MROH9: variants seen among roughly 807,000 people sequenced by gnomAD.
The protein encoded by MROH9 is maestro heat-like repeat-containing protein family member 9.
Under a neutral mutation model 98.2 loss-of-function variants are expected in MROH9, and 92 were observed. That is an observed-to-expected ratio of 0.94 (90% CI 0.79 to 1.11). The LOEUF is 1.11. Among genes scored for constraint, MROH9 ranks in the 50% most tolerant of loss-of-function variants. The pLI is 0.00. For synonymous variants in MROH9, 397 were observed against 368.9 expected, an observed-to-expected ratio of 1.08 and a Z score of -0.87; for missense variants, 1,057 against 1,014.8, an observed-to-expected ratio of 1.04 and a Z score of -0.57.
intron 20 of MROH9, among the ~76,000 whole-genome samples, chr1:171,060,379 T>C (rs927253504): frequency 2.0e-5 from 3 of 152,206 alleles, no homozygotes; most frequent in Non-Finnish European, 2.9e-5. Context: ...ATAGATTCAA[T>C]GTATTCCCAA....
At chr1:171,053,866 A>G (rs913446388) in intron 20 of MROH9, among the ~76,000 whole-genome samples, 3 of 152,174 alleles carry the variant, frequency 2.0e-5, no homozygotes, top group Admixed American at 2.0e-4. Context: ...ATAATATCAG[A>G]CATGGCTAAA....
At position 171,024,508 on chromosome 1, in the gene MROH9, A is replaced by T. The variant is rs1277376250; in HGVS notation, c.2022A>T (p.Leu674=). The change falls in exon 18 of 22, where the codon CTA becomes CTT. Residue 674 remains leucine (L), a synonymous_variant. Transcript: ENST00000367759. The part of the protein sequence containing the change: ...NDVVLEGLVP[L]ILFLEDDDKR... Reference sequence around the variant, plus strand: ...TGGTTCTAGAAGGCTTGGTGCCCCTAATCCTATTTTTGGAGGATGATGATA... The same window carrying T: ...TGGTTCTAGAAGGCTTGGTGCCCCTTATCCTATTTTTGGAGGATGATGATA... The T allele has an allele frequency of 6.5e-7, 1 of 1,540,224 alleles. No homozygotes were observed.
intron 20 of MROH9, among the ~76,000 whole-genome samples, chr1:171,055,530 G>A (rs1653808588): frequency 1.3e-5 from 2 of 149,938 alleles, no homozygotes; most frequent in African/African-American, 4.9e-5. Flanking sequence ...GGCTGAGGCA[G>A]TAGAATCGCT....
At chr1:171,006,967 A>AT (rs1651974750) in intron 15 of MROH9, among the ~76,000 whole-genome samples, 1 of 149,802 alleles carries the variant, frequency 6.7e-6, no homozygotes, top group Non-Finnish European at 1.5e-5. Flanking sequence ...GTAGATCTCC[A>AT]TTTTTTGTGG....
At chr1:170,945,643 A>T in intron 2 of MROH9, 62 bp downstream of exon 2, 2 of 1,420,964 alleles carry the variant, frequency 1.4e-6, no homozygotes, top group Middle Eastern at 1.8e-4. Context: ...TGTGTGTATG[A>T]GTGACAGATG....
rs1654039864 is a variant in MROH9, at chr1:171,062,299, G to A, written c.2344+105G>A. On this transcript the variant is annotated intron_variant, in intron 21 of 21. Transcript: ENST00000367759. ...TTCTGTTAGAGTGCCAGGCCAGACA[G>A]GAAGAGGGTGGTGGTAGTAGTAGTT... 5.5e-6 allele frequency: 4 copies of A among 724,914 alleles called. No individual in the cohort carries two copies. The Admixed American group carries it at 7.7e-5, about 14-fold the overall frequency. 44.9% of individuals were successfully genotyped at this position (724,914 alleles called of 1,614,324 possible).
intron 15 of MROH9, among the ~76,000 whole-genome samples, chr1:171,004,390 C>A (rs1439131606): frequency 6.6e-6 from 1 of 151,966 alleles, no homozygotes. Flanking sequence ...CAGGAATGGG[C>A]TGCTTGGGGA....
At chr1:171,003,828 C>G (rs565100877) in intron 15 of MROH9, among the ~76,000 whole-genome samples, 1 of 152,144 alleles carries the variant, frequency 6.6e-6, no homozygotes, top group East Asian at 1.9e-4. Context: ...CATTTGTCTT[C>G]TGCTATCAGG....
At position 171,064,198 on chromosome 1, in the gene MROH9, C is replaced by T. The variant is rs1042715947; in HGVS notation, c.2444C>T (p.Ala815Val). 2.6e-6 allele frequency: 4 copies of T among 1,551,418 alleles called. No individual in the cohort carries two copies. The highest frequency in any genetic ancestry group is 1.4e-5 in the African/African-American group (1 of 73,028). Residue 815 changes from alanine (A) to valine (V), a missense_variant, in exon 22 of 22, where the codon GCA (alanine) becomes GTA (valine). Transcript: ENST00000367759. ...FKKKAHKLTS[A>V]PLKQNFQKLL... Reference sequence around the variant, plus strand: ...AAAAAAGCCCATAAACTGACCTCTGCACCTCTTAAACAAAACTTCCAAAAA... The same window carrying T: ...AAAAAAGCCCATAAACTGACCTCTGTACCTCTTAAACAAAACTTCCAAAAA...
intron 15 of MROH9, among the ~76,000 whole-genome samples, chr1:171,013,165 T>G (rs1338675078): frequency 6.6e-6 from 1 of 152,238 alleles, no homozygotes; most frequent in Non-Finnish European, 1.5e-5. Context: ...CTCTTCATTC[T>G]AAATTGAATC....
At chr1:171,025,538 T>G in intron 20 of MROH9, 118 bp downstream of exon 20, 1 of 644,278 alleles carries the variant, frequency 1.6e-6, no homozygotes, top group Non-Finnish European at 2.7e-6. Flanking sequence ...ACAGCACCTG[T>G]GATGGTGATG....
At chr1:171,019,583 G>A (rs1466883756) in intron 17 of MROH9, among the ~76,000 whole-genome samples, 4 of 151,170 alleles carry the variant, frequency 2.6e-5, no homozygotes, top group East Asian at 3.9e-4. Context: ...CCCAGGAGGC[G>A]GAGGTTGCAG....
At chr1:171,012,073 A>G (rs1230058151) in intron 15 of MROH9, among the ~76,000 whole-genome samples, 1 of 152,044 alleles carries the variant, frequency 6.6e-6, no homozygotes, top group African/African-American at 2.4e-5. Flanking sequence ...TAGTGTAAAT[A>G]TCTATGTTAT....
intron 20 of MROH9, among the ~76,000 whole-genome samples, chr1:171,051,727 T>C (rs977423219): frequency 6.6e-6 from 1 of 152,178 alleles, no homozygotes; most frequent in African/African-American, 2.4e-5. Context: ...ATCCTGCACA[T>C]GTATCCCAGA....
At chr1:170,947,698 G>A in intron 3 of MROH9, 125 bp downstream of exon 3, 2 of 810,696 alleles carry the variant, frequency 2.5e-6, no homozygotes, top group Non-Finnish European at 3.8e-6. Flanking sequence ...GGAGAAAGGG[G>A]AAAAAAAGGC....
At chr1:170,960,465 A>G (rs1319513076) in intron 5 of MROH9, among the ~76,000 whole-genome samples, 4 of 152,196 alleles carry the variant, frequency 2.6e-5, no homozygotes, top group African/African-American at 9.7e-5. Flanking sequence ...CAAATGCCCC[A>G]TGTTTATTAA....
chr1:170,995,030 T>C (rs562322716), intron 12 of MROH9, among the ~76,000 whole-genome samples: 1 of 152,118 alleles, frequency 6.6e-6, no homozygotes, highest in East Asian at 1.9e-4. Flanking sequence ...CTTCCTTGTA[T>C]TGTTTGAGCA....
chr1:171,036,788 TA>T (rs569866228), intron 20 of MROH9, among the ~76,000 whole-genome samples: 22,439 of 138,600 alleles, frequency 0.16, 4,560 homozygotes, highest in African/African-American at 0.48. Context: ...AATACAAAAA[TA>T]AAAAAAAAAA....
At chr1:170,964,268 C>T (rs1348972213) in intron 6 of MROH9, among the ~76,000 whole-genome samples, 1 of 152,048 alleles carries the variant, frequency 6.6e-6, no homozygotes, top group Non-Finnish European at 1.5e-5. Context: ...TGTTACTTAA[C>T]CACTTTGTTC....
Sources: allele counts gnomAD v4.1 joint callset (sites outside exome capture counted in the v4.1 genomes callset), GRCh38; gene constraint gnomAD v4.1.1; transcripts MANE v1.5; gene names NCBI Gene and HGNC (gene_info 2026-07-23, HGNC 2026-07-21).